The following SLC20A2 variants were observed in gnomAD, a reference collection of about 807,000 sequenced individuals.
SLC20A2 encodes solute carrier family 20 member 2, also known as sodium-dependent phosphate transporter 2.
A neutral mutation model predicts 61.0 loss-of-function variants in SLC20A2; 30 were observed. The observed-to-expected ratio is 0.49, with a 90% confidence interval of 0.37 to 0.67. The LOEUF (loss-of-function observed/expected upper bound fraction) is 0.67, where lower values mean the gene tolerates loss of function less well. SLC20A2 is among the 30% of genes least tolerant of loss of function. The pLI, the probability that SLC20A2 is intolerant of heterozygous loss-of-function variation, is 0.00. For synonymous variants in SLC20A2, 351 were observed against 353.3 expected (o/e 0.99, Z 0.07); for missense variants, 626 against 866.4 (o/e 0.72, Z 3.48).
In SLC20A2 at chr8:42,417,488, A is replaced by G. The variant is rs1802737999; in HGVS notation, c.*315T>C. 1 of 180,490 alleles carries G rather than the reference A, an allele frequency of 5.5e-6. No individual in the cohort carries two copies. Among genetic ancestry groups the G allele is most frequent in the Non-Finnish European group, 1.2e-5 (1 of 84,914 alleles). 11.2% of individuals were successfully genotyped at this position (180,490 alleles called of 1,614,324 possible). On this transcript the variant is annotated 3_prime_UTR_variant, in exon 11 of 11. Transcript: ENST00000520262. ...GGCAATGATCTCCACTCCCAACTTG[A>G]ATATGTTTGAAATAATGCTGCCTAT...
At chr8:42,419,178 T>G (rs952784420) in intron 10 of SLC20A2, among the ~76,000 whole-genome samples, 1 of 152,174 alleles carries the variant, frequency 6.6e-6, no homozygotes, top group Non-Finnish European at 1.5e-5. Context: ...TGAAGAGACT[T>G]TTTAATATGA....
At chr8:42,463,269 A>C (rs1806854448) in intron 3 of SLC20A2, 179 bp from the exon 4 acceptor site, 1 of 483,088 alleles carries the variant, frequency 2.1e-6, no homozygotes, top group Admixed American at 3.9e-5. Flanking sequence ...ACCTTCACAC[A>C]TTTATGGCCA....
rs547692642 is a variant in SLC20A2 at position 42,448,712 on chromosome 8, C to T, written c.614-3950G>A. Among the ~76,000 whole-genome samples, 3 of 152,110 alleles carry T rather than the reference C, an allele frequency of 2.0e-5. No individual in the cohort carries two copies. The East Asian group carries it at 5.8e-4, about 29-fold the overall frequency. Reference sequence around the variant, plus strand: ...TCACCCAGGGGAAGTGGTGGGGAGACAGGGTAACACGTCACGGAGGAGGAA... The same window carrying T: ...TCACCCAGGGGAAGTGGTGGGGAGATAGGGTAACACGTCACGGAGGAGGAA... On this transcript the variant is annotated intron_variant, in intron 5 of 10. Coordinates refer to ENST00000520262, the MANE Select transcript of SLC20A2 (RefSeq NM_001257180.2).
chr8:42,484,593 T>C (rs1808799533), intron 1 of SLC20A2: 2 of 200,684 alleles, frequency 1.0e-5, no homozygotes, highest in African/African-American at 2.3e-5. Context: ...TTGCACTCTG[T>C]GCTTTCAAAG....
At chr8:42,532,985 A>C (rs1400761224) in intron 1 of SLC20A2, among the ~76,000 whole-genome samples, 1 of 152,194 alleles carries the variant, frequency 6.6e-6, no homozygotes, top group Non-Finnish European at 1.5e-5. Flanking sequence ...TAAATAAGAA[A>C]TTCTGGACCG....
chr8:42,463,665 G>C (rs1478983970), intron 3 of SLC20A2, among the ~76,000 whole-genome samples: 2 of 152,172 alleles, frequency 1.3e-5, no homozygotes, highest in Non-Finnish European at 1.5e-5. Flanking sequence ...GATTTAAAAG[G>C]TTGGGAATGG....
chr8:42,538,090 A>C (rs1207379698), intron 1 of SLC20A2: 3 of 152,124 alleles, frequency 2.0e-5, no homozygotes, highest in Non-Finnish European at 4.4e-5. Context: ...TCCAAATTCT[A>C]GTACTGTTTC....
intron 4 of SLC20A2, 89 bp from the exon 5 acceptor site, chr8:42,460,081 C>T: frequency 1.3e-6 from 1 of 744,212 alleles, no homozygotes; most frequent in East Asian, 2.7e-5. Flanking sequence ...AATACTGTTA[C>T]AAGAAACTCT....
Position 42,439,516 on chromosome 8 carries a change from C to G in SLC20A2, c.868G>C (p.Ala290Pro), listed in dbSNP as rs758013310. Residue 290 changes from alanine to proline, a missense_variant, in exon 7 of 11, where the codon GCA (alanine) becomes CCA (proline). Coordinates refer to ENST00000520262, the MANE Select transcript of SLC20A2 (RefSeq NM_001257180.2). ...NDDSTIPLTG[A>P]AGETLGTSEG... is the part of the protein sequence containing the mutation. ...GAGGTCCCCAGTGTCTCCCCTGCTG[C>G]TCCCGTGAGCGGGATGGTGCTGTCA... The G allele has an allele frequency of 4.3e-6, 7 of 1,614,110 alleles. No individual in the cohort carries two copies. Among genetic ancestry groups the G allele is most frequent in the Non-Finnish European group, 5.9e-6 (7 of 1,180,054 alleles).
chr8:42,422,412 C>T (rs1026345574), intron 10 of SLC20A2, among the ~76,000 whole-genome samples: 2 of 152,170 alleles, frequency 1.3e-5, no homozygotes, highest in African/African-American at 2.4e-5. Flanking sequence ...CAATATTCAT[C>T]GGTAAACAGA....
In SLC20A2 at chr8:42,455,235, A is replaced by AT. The variant is rs1425581278; in HGVS notation, c.613+4660_613+4661insA. 7.8e-3 allele frequency among the ~76,000 whole-genome samples: 804 copies of AT among 103,740 alleles called. 1 individual carries two copies. The highest frequency in any genetic ancestry group is 0.013 in the Non-Finnish European group (673 of 52,718). 68.1% of individuals were successfully genotyped at this position (103,740 alleles called of 152,430 possible). ...GCAAGACTCCGTCTAAAAAAAAAAA[A>AT]AAAAAAATATATATATATATATAGA... On this transcript the variant is annotated intron_variant, in intron 5 of 10. Transcript: ENST00000520262.
intron 1 of SLC20A2, among the ~76,000 whole-genome samples, chr8:42,481,562 G>C (rs978324664): frequency 1.3e-5 from 2 of 152,064 alleles, no homozygotes; most frequent in Non-Finnish European, 1.5e-5. Context: ...ATGCTGCCGG[G>C]CTCTCACCCT....
chr8:42,451,948 AGAT>A (rs1805717221), intron 5 of SLC20A2, among the ~76,000 whole-genome samples: 1 of 117,262 alleles, frequency 8.5e-6, no homozygotes. Context: ...GAGGAGGAAG[AGAT>A]GAAGAGGAGG....
intron 1 of SLC20A2, among the ~76,000 whole-genome samples, chr8:42,495,013 A>AT (rs1270345549): frequency 6.6e-6 from 1 of 150,510 alleles, no homozygotes; most frequent in African/African-American, 2.5e-5. Flanking sequence ...CACTTGGCTA[A>AT]TTTTTTTGTA....
chr8:42,520,381 A>C (rs536768228), intron 1 of SLC20A2, among the ~76,000 whole-genome samples: 1 of 151,994 alleles, frequency 6.6e-6, no homozygotes, highest in African/African-American at 2.4e-5. Context: ...CAAAAAAATA[A>C]ATAAGTAAAA....
intron 6 of SLC20A2, among the ~76,000 whole-genome samples, chr8:42,442,228 T>C (rs1804847660): frequency 6.6e-6 from 1 of 152,224 alleles, no homozygotes; most frequent in South Asian, 2.1e-4. Flanking sequence ...CCACCATGCC[T>C]GGCCCAACTT....
At chr8:42,539,093 C>T (rs1812890544) in intron 1 of SLC20A2, among the ~76,000 whole-genome samples, 2 of 152,254 alleles carry the variant, frequency 1.3e-5, no homozygotes. Context: ...CAACTCTCAA[C>T]TCCTCCCCTC....
intron 1 of SLC20A2, among the ~76,000 whole-genome samples, chr8:42,517,715 T>C (rs1275054066): frequency 2.6e-5 from 4 of 152,160 alleles, no homozygotes; most frequent in African/African-American, 9.7e-5. Flanking sequence ...ATTCCTAAAA[T>C]AGTTGATTAT....
chr8:42,500,358 T>C (rs919330525), intron 1 of SLC20A2, among the ~76,000 whole-genome samples: 2 of 152,240 alleles, frequency 1.3e-5, no homozygotes, highest in African/African-American at 4.8e-5. Context: ...CAAATTTAAG[T>C]TGGTAATAAT....
Sources: allele counts gnomAD v4.1 joint callset (sites outside exome capture counted in the v4.1 genomes callset), GRCh38; gene constraint gnomAD v4.1.1; transcripts MANE v1.5; gene names NCBI Gene and HGNC (gene_info 2026-07-23, HGNC 2026-07-21).